The following ACACB variants were observed in gnomAD, a reference collection of about 807,000 sequenced individuals.
The protein encoded by ACACB is acetyl-CoA carboxylase beta.
Under a neutral mutation model 278.8 loss-of-function variants are expected in ACACB, and 209 were observed. That is an observed-to-expected ratio of 0.75 (90% confidence interval 0.67 to 0.84). ACACB has a LOEUF of 0.84. ACACB is among the 40% of genes least tolerant of loss of function. The pLI, the probability that ACACB is intolerant of heterozygous loss-of-function variation, is 0.00. For missense variants in ACACB, 2,850 were observed against 3,269.0 expected, an observed-to-expected ratio of 0.87 and a Z score of 3.13; for synonymous variants, 1,174 against 1,285.6, an observed-to-expected ratio of 0.91 and a Z score of 1.86.
chr12:109,206,586 TCCTCAGACC>T, intron 19 of ACACB, 115 bp from the exon 20 acceptor site: 1 of 1,178,196 alleles, frequency 8.5e-7, no homozygotes, highest in South Asian at 1.5e-5. Flanking sequence ...TTTGATTTTT[TCCTCAGACC>T]TCATCCTCAC....
chr12:109,200,907 CTG>C (rs1404101814), intron 18 of ACACB, among the ~76,000 whole-genome samples: 1 of 152,184 alleles, frequency 6.6e-6, no homozygotes, highest in Non-Finnish European at 1.5e-5. Flanking sequence ...CTTGGGGAAA[CTG>C]AGGCTCAAGG....
At chr12:109,258,132 C>T in intron 45 of ACACB, 136 bp from the exon 46 acceptor site, 1 of 655,800 alleles carries the variant, frequency 1.5e-6, no homozygotes, top group Non-Finnish European at 2.6e-6. Flanking sequence ...GGGGCTTTTT[C>T]TTTGCCTTCC....
intron 1 of ACACB, among the ~76,000 whole-genome samples, chr12:109,122,414 A>G (rs1247063528): frequency 6.6e-6 from 1 of 151,988 alleles, no homozygotes; most frequent in African/African-American, 2.4e-5. Flanking sequence ...TCTGTATAAA[A>G]TATAAAAAGT....
chr12:109,168,544 G>A (rs751884128), intron 4 of ACACB, among the ~76,000 whole-genome samples: 4 of 152,152 alleles, frequency 2.6e-5, no homozygotes, highest in African/African-American at 4.8e-5. Flanking sequence ...CAGCCAGAGC[G>A]CTGGCTCACC....
At chr12:109,254,163 A>G (rs1234629968) in intron 43 of ACACB, 51 bp from the exon 44 acceptor site, 2 of 1,606,648 alleles carry the variant, frequency 1.2e-6, no homozygotes, top group Non-Finnish European at 1.7e-6. Context: ...GATCAGAGGT[A>G]TTATTGACAA....
At chr12:109,192,422 G>A (rs1207039327) in intron 15 of ACACB, among the ~76,000 whole-genome samples, 1 of 152,118 alleles carries the variant, frequency 6.6e-6, no homozygotes, top group African/African-American at 2.4e-5. Flanking sequence ...AACATTTTGT[G>A]CTGGATGCTT....
In ACACB at chr12:109,197,053, T is replaced by C. The variant is rs771700854; in HGVS notation, c.2527T>C (p.Cys843Arg). 6 of 1,591,900 alleles carry C rather than the reference T, an allele frequency of 3.8e-6. No homozygotes were observed. Among genetic ancestry groups the C allele is most frequent in the African/African-American group, 1.4e-5 (1 of 73,538 alleles). The change falls in exon 17 of 53, where the codon TGC (cysteine) becomes CGC (arginine). Residue 843 changes from cysteine (C) to arginine (R), a missense_variant. Coordinates refer to ENST00000338432, the MANE Select transcript of ACACB (RefSeq NM_001093.4). Reference sequence around the variant, plus strand: ...CATGTTCGTTCTCATCATGAATGGCTGCCACATCGAGATTGATGCCCACCG... The same window carrying C: ...CATGTTCGTTCTCATCATGAATGGCCGCCACATCGAGATTGATGCCCACCG... ...LTMFVLIMNG[C>R]HIEIDAHRLN...
chr12:109,194,550 T>TGTG (rs1565908130), intron 16 of ACACB, among the ~76,000 whole-genome samples: 1 of 13,452 alleles, frequency 7.4e-5, no homozygotes. Flanking sequence ...GTGTGTGTGT[T>TGTG]TACATTGGCC....
intron 1 of ACACB, among the ~76,000 whole-genome samples, chr12:109,130,548 C>T (rs2042798039): frequency 6.6e-6 from 1 of 152,148 alleles, no homozygotes; most frequent in African/African-American, 2.4e-5. Context: ...ACCATTTGCT[C>T]ATCTACAACA....
At chr12:109,160,059 C>T (rs1386871578) in intron 2 of ACACB, among the ~76,000 whole-genome samples, 3 of 149,662 alleles carry the variant, frequency 2.0e-5, no homozygotes, top group African/African-American at 7.4e-5. Context: ...CACTTCACTC[C>T]AGCCTGGGTG....
intron 30 of ACACB, 27 bp from the exon 31 acceptor site, chr12:109,233,911 G>A (rs375353131): frequency 9.3e-6 from 15 of 1,613,466 alleles, no homozygotes; most frequent in Non-Finnish European, 1.3e-5. Context: ...AGGCTTTCCA[G>A]CCCTACCCCT....
chr12:109,178,950 AG>A, intron 9 of ACACB, 137 bp from the exon 10 acceptor site: 1 of 802,344 alleles, frequency 1.2e-6, no homozygotes, highest in Admixed American at 2.4e-5. Flanking sequence ...AGACAACAAA[AG>A]TAAAAGATCA....
chr12:109,236,485 G>T (rs757004356), intron 33 of ACACB: 1 of 152,470 alleles, frequency 6.6e-6, no homozygotes, highest in Non-Finnish European at 1.5e-5. Context: ...AGCCACACCC[G>T]TTGGATTCCA....
intron 31 of ACACB, 71 bp from the exon 32 acceptor site, chr12:109,235,242 A>G: frequency 1.6e-6 from 2 of 1,287,878 alleles, no homozygotes; most frequent in Non-Finnish European, 2.3e-6. Flanking sequence ...TCCGTGTGGT[A>G]ACATGCAGCA....
At chr12:109,161,149 A>T (rs2043710285) in intron 2 of ACACB, among the ~76,000 whole-genome samples, 1 of 152,218 alleles carries the variant, frequency 6.6e-6, no homozygotes, top group South Asian at 2.1e-4. Flanking sequence ...CTCTCCAGCA[A>T]TCCCACTACT....
In ACACB at chr12:109,139,828, C is replaced by G. The variant is rs182811810; in HGVS notation, c.423C>G (p.Gly141=). Residue 141 remains glycine, a synonymous_variant, in exon 2 of 53, where the codon GGC becomes GGG. Transcript: ENST00000338432. ...TGTCCTCCTCAGCCAGGCCCCAGGG[C>G]CAGCAAGCTGGCTCCCCCTCCAAAG... ...NGLSSSARPQ[G]QQAGSPSKED... 2 of 1,614,198 alleles carry G rather than the reference C, an allele frequency of 1.2e-6. No individual in the cohort carries two copies. The highest frequency in any genetic ancestry group is 3.3e-5 in the Admixed American group (2 of 60,026).
At chr12:109,242,770 T>C in intron 37 of ACACB, 178 bp downstream of exon 37, 2 of 684,754 alleles carry the variant, frequency 2.9e-6, no homozygotes, top group South Asian at 4.6e-5. Context: ...GGAGGATTGC[T>C]TGAGCCCAGG....
chr12:109,237,494 C>A, intron 34 of ACACB, 114 bp downstream of exon 34: 1 of 1,121,064 alleles, frequency 8.9e-7, no homozygotes, highest in Non-Finnish European at 1.3e-6. Context: ...TACACCAACA[C>A]CCAGGGTCCT....
intron 47 of ACACB, 142 bp downstream of exon 47, chr12:109,259,250 T>C: frequency 9.3e-7 from 1 of 1,075,436 alleles, no homozygotes; most frequent in Non-Finnish European, 1.4e-6. Flanking sequence ...GGAGAAAATA[T>C]TGTTCAGGTG....
Sources: gnomAD v4.1 joint callset for allele counts (sites outside exome capture counted in the v4.1 genomes callset) on GRCh38, gnomAD v4.1.1 for gene constraint, MANE v1.5 for transcripts, NCBI Gene and HGNC (gene_info 2026-07-23, HGNC 2026-07-21) for gene names.